GALNT13: variants seen among roughly 807,000 people sequenced by gnomAD.
GALNT13 encodes the protein polypeptide N-acetylgalactosaminyltransferase 13.
A neutral mutation model predicts 64.2 loss-of-function variants in GALNT13; 28 were observed. The ratio of observed to expected loss-of-function variants is 0.44; its 90% CI spans 0.32 to 0.60. The LOEUF is 0.60. Ranked by LOEUF, GALNT13 falls within the 20% of genes least tolerant of loss-of-function variation. GALNT13 has a pLI of 0.05. For synonymous variants in GALNT13, 214 were observed against 224.6 expected, an observed-to-expected ratio of 0.95 and a Z score of 0.42; for missense variants, 577 against 669.8, an observed-to-expected ratio of 0.86 and a Z score of 1.53.
chr2:153,749,318 T>C, the GALNT13 span, among the ~76,000 whole-genome samples: 2 of 152,036 alleles, frequency 1.3e-5, no homozygotes, highest in African/African-American at 4.8e-5. Context: ...ACTCAGATTA[T>C]TCTGAGTCTT....
chr2:153,170,547 G>A, the GALNT13 span, among the ~76,000 whole-genome samples: 1 of 152,156 alleles, frequency 6.6e-6, no homozygotes, highest in South Asian at 2.1e-4. Flanking sequence ...ATTAACTTAA[G>A]CAGCTGGCTA....
intron 3 of GALNT13, among the ~76,000 whole-genome samples, chr2:153,993,223 T>G (rs966006864): frequency 8.5e-5 from 13 of 152,262 alleles, no homozygotes; most frequent in African/African-American, 3.1e-4. Context: ...TGTGCTATAT[T>G]TGACAACTTT....
the GALNT13 span, among the ~76,000 whole-genome samples, chr2:153,467,883 A>C: frequency 6.6e-6 from 1 of 152,210 alleles, no homozygotes; most frequent in African/African-American, 2.4e-5. Flanking sequence ...TGGTGATTTC[A>C]TGCTTTGGAA....
the GALNT13 span, among the ~76,000 whole-genome samples, chr2:153,708,346 G>A: frequency 6.6e-5 from 10 of 152,122 alleles, no homozygotes; most frequent in Admixed American, 6.6e-4. Flanking sequence ...GAGTGTGTAT[G>A]TGAGAGGGTG....
intron 4 of GALNT13, among the ~76,000 whole-genome samples, chr2:154,169,302 C>A (rs1379133881): frequency 2.0e-5 from 3 of 152,162 alleles, no homozygotes; most frequent in Non-Finnish European, 4.4e-5. Context: ...CAAGTTGATA[C>A]ATAAAATTAG....
the GALNT13 span, among the ~76,000 whole-genome samples, chr2:153,368,388 A>AC: frequency 4.6e-5 from 7 of 152,226 alleles, no homozygotes; most frequent in South Asian, 8.3e-4. Context: ...CCAGAACCCA[A>AC]CCATGCTATC....
the GALNT13 span, among the ~76,000 whole-genome samples, chr2:153,746,855 T>G: frequency 6.6e-6 from 1 of 152,168 alleles, no homozygotes; most frequent in African/African-American, 2.4e-5. Flanking sequence ...CTGAACAACT[T>G]TCAGTATGTT....
the GALNT13 span, among the ~76,000 whole-genome samples, chr2:153,147,979 G>A: frequency 2.2e-3 from 336 of 151,852 alleles, 1 homozygote; most frequent in Middle Eastern, 6.8e-3. Flanking sequence ...TCTGAGTTAC[G>A]GCAAAACAAG....
chr2:154,230,715 T>G (rs1297192075), intron 4 of GALNT13, among the ~76,000 whole-genome samples: 1 of 152,112 alleles, frequency 6.6e-6, no homozygotes, highest in African/African-American at 2.4e-5. Context: ...TAGTGTACCC[T>G]CTCTGTTAAA....
the GALNT13 span, among the ~76,000 whole-genome samples, chr2:153,459,067 C>G: frequency 6.6e-6 from 1 of 151,484 alleles, no homozygotes; most frequent in African/African-American, 2.4e-5. Context: ...AGATTTGGTA[C>G]TAAAAAAATA....
At chr2:153,201,973 CTTTT>C in the GALNT13 span, among the ~76,000 whole-genome samples, 8 of 108,894 alleles carry the variant, frequency 7.3e-5, no homozygotes, top group African/African-American at 1.9e-4. Context: ...CCACCCATTT[CTTTT>C]TTTTTTTTTT....
At chr2:154,448,197 G>A (rs767986587) in intron 12 of GALNT13, among the ~76,000 whole-genome samples, 4 of 151,974 alleles carry the variant, frequency 2.6e-5, no homozygotes, top group Non-Finnish European at 4.4e-5. Flanking sequence ...AGAAAAGCCC[G>A]AAGTTTGCTT....
the GALNT13 span, among the ~76,000 whole-genome samples, chr2:153,595,954 A>G: frequency 6.6e-6 from 1 of 152,196 alleles, no homozygotes; most frequent in African/African-American, 2.4e-5. Flanking sequence ...ATATTTTGTG[A>G]TTCTGAGTGG....
chr2:153,598,157 C>T, the GALNT13 span, among the ~76,000 whole-genome samples: 3 of 152,084 alleles, frequency 2.0e-5, no homozygotes, highest in Non-Finnish European at 4.4e-5. Context: ...CCTCTAATGG[C>T]TTCCTATTGC....
At chr2:154,446,738 T>G in intron 12 of GALNT13, 1 of 1,538,694 alleles carries the variant, frequency 6.5e-7, no homozygotes, top group South Asian at 1.2e-5. Context: ...GGAATTCTAC[T>G]GATTACATTC....
intron 7 of GALNT13, among the ~76,000 whole-genome samples, chr2:154,258,812 A>C (rs1343532497): frequency 1.3e-5 from 2 of 151,902 alleles, no homozygotes. Context: ...ACCTGTAAAA[A>C]AAAAAAACAA....
the GALNT13 span, among the ~76,000 whole-genome samples, chr2:153,791,507 A>G: frequency 1.3e-4 from 20 of 152,310 alleles, no homozygotes; most frequent in East Asian, 3.7e-3. Flanking sequence ...ACCATTGTGG[A>G]AAGCAATGTG....
At chr2:153,823,380 A>C in the GALNT13 span, among the ~76,000 whole-genome samples, 1 of 152,238 alleles carries the variant, frequency 6.6e-6, no homozygotes, top group Non-Finnish European at 1.5e-5. Flanking sequence ...GCTATGCTAC[A>C]AGGCTACAGT....
chr2:154,445,811 G>A, intron 12 of GALNT13: 2 of 1,288,308 alleles, frequency 1.6e-6, no homozygotes, highest in African/African-American at 1.5e-5. Flanking sequence ...GACTTACTTA[G>A]TGTCTCCCAA....
Sources: allele counts gnomAD v4.1 joint callset (sites outside exome capture counted in the v4.1 genomes callset), GRCh38; gene constraint gnomAD v4.1.1; transcripts MANE v1.5; gene names NCBI Gene and HGNC (gene_info 2026-07-23, HGNC 2026-07-21).